DUSP13B: variants seen among roughly 807,000 people sequenced by gnomAD.
The protein encoded by DUSP13B is dual specificity phosphatase 13B, also known as dual specificity protein phosphatase 13B.
the DUSP13B span, chr10:75,094,690 T>A: frequency 1.9e-6 from 3 of 1,613,830 alleles, no homozygotes; most frequent in Non-Finnish European, 2.5e-6. Context: ...AACCGCCCCG[T>A]CTCCCGCCCC....
the DUSP13B span, chr10:75,109,181 C>T: frequency 1.3e-6 from 2 of 1,542,798 alleles, no homozygotes; most frequent in African/African-American, 2.8e-5. Flanking sequence ...CACCCCTCTG[C>T]CTCTGTGGTC....
chr10:75,099,187 T>A, the DUSP13B span: 1 of 1,223,332 alleles, frequency 8.2e-7, no homozygotes. Flanking sequence ...GGGGGTCCTG[T>A]CTTTGCTAAC....
At chr10:75,097,647 C>A in the DUSP13B span, 1 of 1,431,240 alleles carries the variant, frequency 7.0e-7, no homozygotes, top group Non-Finnish European at 9.3e-7. Flanking sequence ...GAGGCTCATG[C>A]CCCCATTCCC....
At chr10:75,105,989 T>A in the DUSP13B span, 1 of 886,272 alleles carries the variant, frequency 1.1e-6, no homozygotes, top group Non-Finnish European at 1.8e-6. Flanking sequence ...CCTGAGCAAG[T>A]CACTCAGCCT....
chr10:75,109,131 C>G, the DUSP13B span: 40 of 1,605,842 alleles, frequency 2.5e-5, no homozygotes, highest in Middle Eastern at 1.7e-4. Context: ...CCTCTCCCCC[C>G]AGCTCTGGGA....
chr10:75,103,260 C>G, the DUSP13B span, among the ~76,000 whole-genome samples: 1 of 152,242 alleles, frequency 6.6e-6, no homozygotes, highest in African/African-American at 2.4e-5. Context: ...AGGTCCGGGG[C>G]CCTCAGTTAG....
chr10:75,096,002 C>A, the DUSP13B span, among the ~76,000 whole-genome samples: 1 of 152,370 alleles, frequency 6.6e-6, no homozygotes, highest in East Asian at 1.9e-4. Flanking sequence ...CGCCTATAAT[C>A]CCAGCACTTT....
At chr10:75,104,064 G>A in the DUSP13B span, 1 of 1,360,860 alleles carries the variant, frequency 7.3e-7, no homozygotes, top group South Asian at 1.2e-5. Context: ...GTGGCAAAGT[G>A]GCAGAGCCCC....
At chr10:75,095,106 G>T in the DUSP13B span, among the ~76,000 whole-genome samples, 2 of 152,186 alleles carry the variant, frequency 1.3e-5, no homozygotes, top group Non-Finnish European at 2.9e-5. Flanking sequence ...TCCAGTCCAG[G>T]TGCTTCCTCA....
chr10:75,096,629 T>C, the DUSP13B span, among the ~76,000 whole-genome samples: 1 of 151,172 alleles, frequency 6.6e-6, no homozygotes, highest in East Asian at 1.9e-4. Flanking sequence ...CAAACCTGTA[T>C]TCCCAGCTAC....
the DUSP13B span, among the ~76,000 whole-genome samples, chr10:75,098,373 T>C: frequency 6.6e-5 from 10 of 152,196 alleles, no homozygotes; most frequent in Non-Finnish European, 1.3e-4. Context: ...TTTCAGGGGC[T>C]TGGAGATCAG....
At chr10:75,107,916 T>C in the DUSP13B span, 2 of 1,476,848 alleles carry the variant, frequency 1.4e-6, no homozygotes, top group Non-Finnish European at 1.8e-6. Context: ...GGGAGGGCAC[T>C]GATGACTGAG....
the DUSP13B span, among the ~76,000 whole-genome samples, chr10:75,100,613 G>A: frequency 6.6e-6 from 1 of 152,128 alleles, no homozygotes; most frequent in Non-Finnish European, 1.5e-5. Flanking sequence ...GGGCCCGGCC[G>A]AGCTCCCCTC....
At chr10:75,105,956 C>T in the DUSP13B span, 1 of 1,272,182 alleles carries the variant, frequency 7.9e-7, no homozygotes, top group East Asian at 2.5e-5. Flanking sequence ...TTTCCTGACC[C>T]TGCCTTGGGT....
the DUSP13B span, chr10:75,105,823 G>A: frequency 3.7e-4 from 572 of 1,550,824 alleles, 1 homozygote; most frequent in African/African-American, 6.5e-3. Flanking sequence ...CAGGACCAGC[G>A]TGGCAGAGCG....
the DUSP13B span, among the ~76,000 whole-genome samples, chr10:75,095,283 C>T: frequency 6.6e-6 from 1 of 152,318 alleles, no homozygotes; most frequent in Non-Finnish European, 1.5e-5. Context: ...TAGAGGAACC[C>T]GCTCAAGAGC....
the DUSP13B span, chr10:75,109,134 C>G: frequency 6.2e-7 from 1 of 1,603,692 alleles, no homozygotes; most frequent in Non-Finnish European, 8.5e-7. Flanking sequence ...CTCCCCCCAG[C>G]TCTGGGAGAG....
the DUSP13B span, chr10:75,094,969 T>C: frequency 9.0e-7 from 1 of 1,106,808 alleles, no homozygotes. Context: ...TCCTCTACAG[T>C]ATCCTGGAAT....
the DUSP13B span, chr10:75,105,672 G>A: frequency 6.5e-7 from 1 of 1,548,812 alleles, no homozygotes; most frequent in East Asian, 2.4e-5. Flanking sequence ...TGGCCCCTCA[G>A]CTCTGGCCGG....
Sources: allele counts gnomAD v4.1 joint callset (sites outside exome capture counted in the v4.1 genomes callset), GRCh38; gene constraint gnomAD v4.1.1; transcripts MANE v1.5; gene names NCBI Gene and HGNC (gene_info 2026-07-23, HGNC 2026-07-21).